Variants in COL5A1 observed in about 807,000 individuals in gnomAD.
COL5A1 encodes collagen type V alpha 1 chain.
A neutral mutation model predicts 263.7 loss-of-function variants in COL5A1; 16 were observed. The ratio of observed to expected loss-of-function variants is 0.06; its 90% CI spans 0.04 to 0.09. The LOEUF (loss-of-function observed/expected upper bound fraction) is 0.09, where lower values mean the gene tolerates loss of function less well. Ranked by LOEUF, COL5A1 falls within the 10% of genes least tolerant of loss-of-function variation. The pLI is 1.00. For missense variants in COL5A1, 2,036 were observed against 2,540.5 expected, an observed-to-expected ratio of 0.80 and a Z score of 4.27; for synonymous variants, 1,012 against 1,004.5, an observed-to-expected ratio of 1.01 and a Z score of -0.14.
At chr9:134,657,640 A>AGTTTATAGATAATATGGGGGGTGGGGT (rs1832060279) in intron 1 of COL5A1, among the ~76,000 whole-genome samples, 2 of 8,132 alleles carry the variant, frequency 2.5e-4, no homozygotes, top group Non-Finnish European at 4.9e-4. Context: ...GGGGTGGGGT[A>AGTTTATAGATAATATGGGGGGTGGGGT]GGGGGTGCAG....
intron 4 of COL5A1, among the ~76,000 whole-genome samples, chr9:134,726,269 T>C (rs991608166): frequency 4.0e-5 from 6 of 151,370 alleles, no homozygotes; most frequent in African/African-American, 1.5e-4. Context: ...GATTGATGGG[T>C]GGGTGGGTAG....
chr9:134,759,079 G>A (rs1195198821), intron 18 of COL5A1, among the ~76,000 whole-genome samples: 2 of 152,048 alleles, frequency 1.3e-5, no homozygotes, highest in African/African-American at 4.8e-5. Flanking sequence ...CCTGACATGA[G>A]GGCTCTTCAC....
At chr9:134,756,969 TG>T (rs1835999976) in intron 17 of COL5A1, 151 bp downstream of exon 17, 1 of 804,754 alleles carries the variant, frequency 1.2e-6, no homozygotes, top group Admixed American at 2.0e-5. Context: ...ATAGGGTTGG[TG>T]GGTGAATTTC....
intron 1 of COL5A1, among the ~76,000 whole-genome samples, chr9:134,675,433 T>C (rs991737598): frequency 9.9e-5 from 15 of 152,256 alleles, no homozygotes; most frequent in African/African-American, 3.6e-4. Flanking sequence ...TAACATCGAA[T>C]GTTATTTATT....
intron 9 of COL5A1, chr9:134,732,399 A>G (rs1564418497): frequency 1.7e-6 from 1 of 583,090 alleles, no homozygotes; most frequent in East Asian, 2.9e-5. Flanking sequence ...TGGGCATCTC[A>G]GTGCTGGTCA....
At chr9:134,670,785 C>T (rs1010931780) in intron 1 of COL5A1, among the ~76,000 whole-genome samples, 1 of 152,256 alleles carries the variant, frequency 6.6e-6, no homozygotes, top group Admixed American at 6.5e-5. Context: ...ACTTTCCCCT[C>T]CTTCCCTCCC....
At chr9:134,690,166 C>T (rs1387436569) in intron 1 of COL5A1, among the ~76,000 whole-genome samples, 3 of 152,168 alleles carry the variant, frequency 2.0e-5, no homozygotes, top group Non-Finnish European at 4.4e-5. Flanking sequence ...CAGGAACCTT[C>T]TGGAAGGGAT....
At chr9:134,694,200 C>T (rs551076045) in intron 2 of COL5A1, among the ~76,000 whole-genome samples, 15 of 152,388 alleles carry the variant, frequency 9.8e-5, no homozygotes, top group East Asian at 3.9e-4. Flanking sequence ...ACACACCCCT[C>T]GGCAAATCAG....
Position 134,810,542 on chromosome 9 carries a change from C to T in COL5A1, c.3528+234C>T, listed in dbSNP as rs34313900. ...GAACAGGAAGCATCCACCGGTTTTG[C>T]GAAATTAAATAAATGGAGTGTTTCT... On this transcript the variant is annotated intron_variant, in intron 44 of 65. Coordinates refer to ENST00000371817, the MANE Select transcript of COL5A1 (RefSeq NM_000093.5). 23,681 of 546,104 alleles carry T rather than the reference C, an allele frequency of 0.043. 622 individuals carry two copies. The highest frequency in any genetic ancestry group is 0.056 in the Non-Finnish European group (17,351 of 307,320). The allele number at this position is 546,104 out of a possible 1,614,324, so 33.8% of individuals were successfully genotyped here.
At chr9:134,658,056 C>T (rs1320398393) in intron 1 of COL5A1, among the ~76,000 whole-genome samples, 3 of 151,932 alleles carry the variant, frequency 2.0e-5, no homozygotes, top group African/African-American at 4.8e-5. Context: ...GGGAAAGCAA[C>T]CCTGCCCGTC....
chr9:134,695,086 C>T (rs764466031), intron 2 of COL5A1, among the ~76,000 whole-genome samples: 25 of 152,196 alleles, frequency 1.6e-4, no homozygotes, highest in Non-Finnish European at 2.2e-4. Context: ...CTTCCTGGAT[C>T]AGCACGCATC....
chr9:134,755,385 T>C lies in COL5A1; in HGVS notation c.1827+1059T>C, dbSNP rs145189426. Among the ~76,000 whole-genome samples, 182 of 152,348 alleles carry C rather than the reference T, an allele frequency of 1.2e-3. 1 individual carries two copies. The Middle Eastern group carries it at 0.024, about 20-fold the overall frequency. On this transcript the variant is annotated intron_variant, in intron 16 of 65. Coordinates refer to ENST00000371817, the MANE Select transcript of COL5A1 (RefSeq NM_000093.5). This position sits in a 1 kb window ranked among gnomAD's most constrained non-coding sequence, Gnocchi z 4.1. ...AAGAGGAGACTCGGGAAATGCTGTC[T>C]AACATGGCCAGCTGCAGAGTTGCAT...
At chr9:134,827,743 A>T (rs1839348202) in intron 63 of COL5A1, among the ~76,000 whole-genome samples, 1 of 152,176 alleles carries the variant, frequency 6.6e-6, no homozygotes, top group Middle Eastern at 3.2e-3. Flanking sequence ...GCCAAGGGCA[A>T]GTGGAGACGC....
At chr9:134,770,813 G>A (rs34347545) in intron 25 of COL5A1, among the ~76,000 whole-genome samples, 5,879 of 152,342 alleles carry the variant, frequency 0.039, 155 homozygotes, top group Non-Finnish European at 0.057. Context: ...AGGGGAAAGC[G>A]GCCCTGCCCG....
rs1394545828 is a variant in COL5A1, at chr9:134,815,568, C to G, written c.4015-8C>G. 5.6e-6 allele frequency: 9 copies of G among 1,612,832 alleles called. No individual in the cohort carries two copies. The highest frequency in any genetic ancestry group is 1.3e-5 in the African/African-American group (1 of 74,924). ...GGCCTTGGCTGCTTCCTTCTTTCTTCCTTTCAGGGCCCAGTGGGTTTTCCT... is the reference window on the plus strand; with the variant it reads ...GGCCTTGGCTGCTTCCTTCTTTCTTGCTTTCAGGGCCCAGTGGGTTTTCCT... On this transcript the variant is annotated splice_polypyrimidine_tract_variant and splice_region_variant and intron_variant, in intron 50 of 65. Transcript: ENST00000371817.
chr9:134,660,447 A>G (rs1192418528), intron 1 of COL5A1, among the ~76,000 whole-genome samples: 1 of 152,234 alleles, frequency 6.6e-6, no homozygotes, highest in East Asian at 1.9e-4. Flanking sequence ...GCTGCTGCAT[A>G]TGTGGTCTTA....
chr9:134,752,557 C>T (rs1158735109), intron 13 of COL5A1, 32 bp from the exon 14 acceptor site: 6 of 1,585,948 alleles, frequency 3.8e-6, no homozygotes, highest in Admixed American at 3.3e-5. Flanking sequence ...CTGCTGGGGC[C>T]CTGTCTCAGC....
At chr9:134,650,288 G>A (rs892666029) in intron 1 of COL5A1, among the ~76,000 whole-genome samples, 9 of 152,244 alleles carry the variant, frequency 5.9e-5, no homozygotes, top group African/African-American at 1.4e-4. Context: ...GAACACATGA[G>A]CATCGTAACC....
intron 1 of COL5A1, among the ~76,000 whole-genome samples, chr9:134,684,902 T>A (rs1276989774): frequency 1.4e-5 from 2 of 146,404 alleles, no homozygotes; most frequent in Non-Finnish European, 3.0e-5. Context: ...ATCCACCATC[T>A]ATCCATTCAC....
Sources: allele counts gnomAD v4.1 joint callset (sites outside exome capture counted in the v4.1 genomes callset), GRCh38; gene constraint gnomAD v4.1.1; non-coding constraint Gnocchi (gnomAD v3.1); transcripts MANE v1.5; gene names NCBI Gene and HGNC (gene_info 2026-07-23, HGNC 2026-07-21).